FIGN: variants seen among roughly 807,000 people sequenced by gnomAD.
FIGN encodes fidgetin.
A neutral mutation model predicts 51.3 loss-of-function variants in FIGN; 11 were observed. The ratio of observed to expected loss-of-function variants is 0.21; its 90% CI spans 0.13 to 0.35. FIGN has a LOEUF of 0.35. Among genes scored for constraint, FIGN ranks in the 10% least tolerant of loss-of-function variants. The pLI is 1.00. For synonymous variants in FIGN, 407 were observed against 363.2 expected (o/e 1.12, Z -1.37); for missense variants, 857 against 943.6 (o/e 0.91, Z 1.20).
At chr2:163,718,062 G>T (rs1015668726) in intron 2 of FIGN, among the ~76,000 whole-genome samples, 4 of 152,074 alleles carry the variant, frequency 2.6e-5, no homozygotes, top group African/African-American at 9.7e-5. Flanking sequence ...GTACAGGGGG[G>T]AGGGGGGAGA....
At chr2:163,614,530 T>A (rs1216143953) in intron 2 of FIGN, among the ~76,000 whole-genome samples, 2 of 151,926 alleles carry the variant, frequency 1.3e-5, no homozygotes, top group Non-Finnish European at 2.9e-5. Flanking sequence ...TAAAATATTA[T>A]CAAAATACAG....
At chr2:163,650,638 T>C (rs1683458747) in intron 2 of FIGN, among the ~76,000 whole-genome samples, 1 of 151,968 alleles carries the variant, frequency 6.6e-6, no homozygotes. Context: ...AGAACATCGA[T>C]GTTTGGTTTT....
chr2:163,629,002 C>T (rs1286034791), intron 2 of FIGN, among the ~76,000 whole-genome samples: 1 of 152,102 alleles, frequency 6.6e-6, no homozygotes, highest in African/African-American at 2.4e-5. Flanking sequence ...TTAGCTTGTA[C>T]AAGCAATGGG....
At chr2:163,709,123 A>T (rs1684548423) in intron 2 of FIGN, among the ~76,000 whole-genome samples, 1 of 152,120 alleles carries the variant, frequency 6.6e-6, no homozygotes, top group Non-Finnish European at 1.5e-5. Flanking sequence ...CCAAGTTTCC[A>T]CGTGCATCAC....
intron 2 of FIGN, among the ~76,000 whole-genome samples, chr2:163,640,859 G>A (rs1360058633): frequency 6.6e-6 from 1 of 152,122 alleles, no homozygotes. Context: ...ATGAATCCTG[G>A]CCCTTTGAAC....
At chr2:163,717,244 C>A (rs1007872169) in intron 2 of FIGN, among the ~76,000 whole-genome samples, 25 of 152,116 alleles carry the variant, frequency 1.6e-4, no homozygotes, top group African/African-American at 6.0e-4. Context: ...CTAAGGTTAA[C>A]TACGGAATTG....
chr2:163,632,230 A>T (rs1433862513), intron 2 of FIGN, among the ~76,000 whole-genome samples: 1 of 152,216 alleles, frequency 6.6e-6, no homozygotes, highest in Non-Finnish European at 1.5e-5. Flanking sequence ...CTTGGCAAAA[A>T]ATGTTTAACA....
chr2:163,645,970 A>G (rs1683375256), intron 2 of FIGN, among the ~76,000 whole-genome samples: 3 of 152,234 alleles, frequency 2.0e-5, no homozygotes, highest in South Asian at 4.1e-4. Context: ...ATATTTGCAT[A>G]TTTAAATTGA....
At chr2:163,711,089 A>G (rs1178969117) in intron 2 of FIGN, among the ~76,000 whole-genome samples, 1 of 152,192 alleles carries the variant, frequency 6.6e-6, no homozygotes, top group Non-Finnish European at 1.5e-5. Flanking sequence ...ATAAAATCAA[A>G]TCTCCTTTTT....
At chr2:163,693,526 T>A (rs1684269592) in intron 2 of FIGN, among the ~76,000 whole-genome samples, 1 of 152,192 alleles carries the variant, frequency 6.6e-6, no homozygotes, top group Non-Finnish European at 1.5e-5. Flanking sequence ...ATGTGAATTA[T>A]CAGGGAAGGA....
intron 2 of FIGN, among the ~76,000 whole-genome samples, chr2:163,695,523 T>G (rs918386666): frequency 2.0e-5 from 3 of 152,064 alleles, no homozygotes; most frequent in African/African-American, 7.2e-5. Flanking sequence ...ATGCAAAATA[T>G]CTTACACACA....
At chr2:163,618,926 T>TC (rs1322849853) in intron 2 of FIGN, among the ~76,000 whole-genome samples, 14 of 152,088 alleles carry the variant, frequency 9.2e-5, no homozygotes, top group African/African-American at 3.1e-4. Context: ...TCCAAATACT[T>TC]TTTTTTATGA....
In FIGN at chr2:163,603,083, C is replaced by G. The variant is rs1244753377; in HGVS notation, c.*6469G>C. 2.0e-5 allele frequency: 3 copies of G among 152,000 alleles called. No individual in the cohort carries two copies. The highest frequency in any genetic ancestry group is 7.2e-5 in the African/African-American group (3 of 41,392). 9.4% of individuals were successfully genotyped at this position (152,000 alleles called of 1,614,324 possible). A position where few individuals can be genotyped will look rare whatever the true frequency, so the allele number is the denominator to read the frequency against. Reference sequence around the variant, plus strand: ...GTCTCATTTACATTAATAATGTTCACAAATTATATGAATTCATTTTGCAAG... The same window carrying G: ...GTCTCATTTACATTAATAATGTTCAGAAATTATATGAATTCATTTTGCAAG... On this transcript the variant is annotated 3_prime_UTR_variant, in exon 3 of 3. Transcript: ENST00000333129.
In FIGN at chr2:163,603,692, T is replaced by C. The variant is rs1211146809; in HGVS notation, c.*5860A>G. 1 of 151,946 alleles carries C rather than the reference T, an allele frequency of 6.6e-6. No homozygotes were observed. The highest frequency in any genetic ancestry group is 2.4e-5 in the African/African-American group (1 of 41,374). 9.4% of individuals were successfully genotyped at this position (151,946 alleles called of 1,614,324 possible). The stretch of plus-strand genomic sequence containing the variant: ...ATTTCTGAATTCACATCTGTGGGAG[T>C]TGTGGATTGTCACAGTTCATTTGCT... On this transcript the variant is annotated 3_prime_UTR_variant, in exon 3 of 3. Coordinates refer to ENST00000333129, the MANE Select transcript of FIGN (RefSeq NM_018086.4).
chr2:163,670,893 G>A (rs1421039971), intron 2 of FIGN, among the ~76,000 whole-genome samples: 1 of 152,112 alleles, frequency 6.6e-6, no homozygotes, highest in Non-Finnish European at 1.5e-5. Context: ...TAGCCTTTAC[G>A]ACAAGACTGT....
chr2:163,734,557 C>CAAAAAA lies in FIGN; in HGVS notation c.25+340_25+345dup, dbSNP rs34286375. Among the ~76,000 whole-genome samples, 89 of 102,826 alleles carry CAAAAAA rather than the reference C, an allele frequency of 8.7e-4. 3 individuals carry two copies. Among genetic ancestry groups the CAAAAAA allele is most frequent in the Middle Eastern group, 7.2e-3 (1 of 138 alleles). The allele number at this position is 102,826 out of a possible 152,430, so 67.5% of individuals were successfully genotyped here. On this transcript the variant is annotated intron_variant, in intron 2 of 2. Coordinates refer to ENST00000333129, the MANE Select transcript of FIGN (RefSeq NM_018086.4). ...TCCCCTTTGCCCAGCCTCCCTCCTT[C>CAAAAAA]AAAAAAAAAAAAAAAAAAAACCCAC...
chr2:163,690,719 A>G (rs1684227242), intron 2 of FIGN, among the ~76,000 whole-genome samples: 1 of 152,136 alleles, frequency 6.6e-6, no homozygotes, highest in Non-Finnish European at 1.5e-5. Flanking sequence ...ATAAATATAT[A>G]AAAGATTATT....
At chr2:163,661,396 C>T (rs775429177) in intron 2 of FIGN, among the ~76,000 whole-genome samples, 22 of 151,610 alleles carry the variant, frequency 1.5e-4, no homozygotes, top group East Asian at 2.0e-4. Flanking sequence ...TGCACCATCA[C>T]GCCTAATTTT....
At chr2:163,735,292 CCAA>C (rs1417506483) in intron 1 of FIGN, among the ~76,000 whole-genome samples, 1 of 151,892 alleles carries the variant, frequency 6.6e-6, no homozygotes, top group African/African-American at 2.4e-5. Flanking sequence ...CCGTTCCTTG[CCAA>C]CAATACGCCC....
Sources: allele counts gnomAD v4.1 joint callset (sites outside exome capture counted in the v4.1 genomes callset), GRCh38; gene constraint gnomAD v4.1.1; transcripts MANE v1.5; gene names NCBI Gene and HGNC (gene_info 2026-07-23, HGNC 2026-07-21).